MEIS2: variants seen among roughly 807,000 people sequenced by gnomAD.
MEIS2 encodes the protein Meis homeobox 2.
In MEIS2, 9 loss-of-function variants were observed where a neutral mutation model predicts 58.6. The observed-to-expected ratio is 0.15, with a 90% CI of 0.09 to 0.27. MEIS2 has a LOEUF of 0.27. Among genes scored for constraint, MEIS2 ranks in the 10% least tolerant of loss-of-function variants. The probability of loss-of-function intolerance (pLI) is 1.00; values close to 1 mark genes in which losing one functional copy is unlikely to be tolerated. For synonymous variants in MEIS2, 221 were observed against 228.4 expected (o/e 0.97, Z 0.29); for missense variants, 427 against 635.0 (o/e 0.67, Z 3.52).
intron 8 of MEIS2, among the ~76,000 whole-genome samples, chr15:36,970,179 GGATCATGAGGTCAGGA>G (rs2059490481): frequency 6.6e-6 from 1 of 152,128 alleles, no homozygotes; most frequent in Admixed American, 6.5e-5. Flanking sequence ...CAAGGCGGGA[GGATCATGAGGTCAGGA>G]GATCCGGACC....
intron 1 of MEIS2, 172 bp from the exon 2 acceptor site, chr15:37,098,371 GGA>G (rs1425172491): frequency 1.4e-6 from 1 of 719,002 alleles, no homozygotes; most frequent in African/African-American, 2.5e-5. Flanking sequence ...AGGAAAAGGA[GGA>G]GAGGGGGAGA....
At chr15:36,970,868 T>A (rs1367159177) in intron 8 of MEIS2, among the ~76,000 whole-genome samples, 1 of 152,222 alleles carries the variant, frequency 6.6e-6, no homozygotes, top group Non-Finnish European at 1.5e-5. Flanking sequence ...GGGAGGGCAC[T>A]GTGTCACGTT....
intron 7 of MEIS2, chr15:37,051,071 AAG>A (rs1466057112): frequency 6.6e-6 from 1 of 152,196 alleles, no homozygotes; most frequent in East Asian, 1.9e-4. Flanking sequence ...TCATGAGAGA[AAG>A]AGCTATTACT....
At chr15:37,048,427 CCTTA>C (rs1419836560) in intron 7 of MEIS2, among the ~76,000 whole-genome samples, 1 of 151,876 alleles carries the variant, frequency 6.6e-6, no homozygotes, top group Non-Finnish European at 1.5e-5. Context: ...TTTTAAGAGT[CCTTA>C]CTTCATTATC....
At position 37,007,362 on chromosome 15, in the gene MEIS2, C is replaced by CAATA. The variant is rs578016416; in HGVS notation, c.900+29448_900+29451dup. On this transcript the variant is annotated intron_variant, in intron 8 of 11. Coordinates refer to ENST00000561208, the MANE Select transcript of MEIS2 (RefSeq NM_170675.5). ...TGCGCAACATAGCAAGGTCCCATCT[C>CAATA]AATAAATAAATAAATAAATAAGAAA... 3.4e-4 allele frequency among the ~76,000 whole-genome samples: 52 copies of CAATA among 151,938 alleles called. 1 individual carries two copies. Among genetic ancestry groups the CAATA allele is most frequent in the East Asian group, 2.1e-3 (11 of 5,162 alleles).
chr15:36,920,143 T>TTTAC (rs2057442552), intron 9 of MEIS2, among the ~76,000 whole-genome samples: 1 of 151,684 alleles, frequency 6.6e-6, no homozygotes. Context: ...TATTTATTTA[T>TTTAC]TTATTTATTT....
chr15:37,071,324 G>A (rs1387002738), intron 7 of MEIS2, among the ~76,000 whole-genome samples: 7 of 152,090 alleles, frequency 4.6e-5, no homozygotes, highest in Non-Finnish European at 8.8e-5. Context: ...TCCGAAATGT[G>A]TAATCAGACT....
At chr15:37,048,177 TA>T (rs746928799) in intron 7 of MEIS2, among the ~76,000 whole-genome samples, 8 of 152,278 alleles carry the variant, frequency 5.3e-5, no homozygotes, top group Non-Finnish European at 8.8e-5. Flanking sequence ...CATTTTAAAC[TA>T]AAACTAGAAT....
At chr15:37,036,768 C>G in intron 8 of MEIS2, 46 bp downstream of exon 8, 1 of 1,588,980 alleles carries the variant, frequency 6.3e-7, no homozygotes, top group Non-Finnish European at 8.5e-7. Context: ...AACTTGCTAG[C>G]AAAACAACAA....
intron 8 of MEIS2, among the ~76,000 whole-genome samples, chr15:36,965,234 A>G (rs1462454723): frequency 6.6e-6 from 1 of 152,198 alleles, no homozygotes; most frequent in Non-Finnish European, 1.5e-5. Flanking sequence ...ATATGAAAAC[A>G]TTGGTGATGT....
Position 37,099,682 on chromosome 15 carries a change from T to C in MEIS2, c.-216A>G. 1 of 539,640 alleles carries C rather than the reference T, an allele frequency of 1.9e-6. No homozygotes were observed. 33.4% of individuals were successfully genotyped at this position (539,640 alleles called of 1,614,324 possible). On this transcript the variant is annotated 5_prime_UTR_variant, in exon 1 of 12. Transcript: ENST00000561208. The stretch of plus-strand genomic sequence containing the variant: ...TGATATTTCTTCTTTTTCTCTTTTT[T>C]CCTCTTCTTCCTCCTCCTCCTGATC...
intron 9 of MEIS2, among the ~76,000 whole-genome samples, chr15:36,918,619 G>A (rs185482106): frequency 6.0e-4 from 92 of 152,320 alleles, no homozygotes; most frequent in African/African-American, 1.9e-3. Flanking sequence ...AGATGAAAGA[G>A]TCTCAATGCC....
rs1387095569 is a variant in MEIS2 at position 36,923,068 on chromosome 15, C to T, written c.978-26382G>A. Reference sequence around the variant, plus strand: ...GACAATATTTATTCTTATGAGTTGTCAATCTCCTTAGCAATAATATGTCAC... The same window carrying T: ...GACAATATTTATTCTTATGAGTTGTTAATCTCCTTAGCAATAATATGTCAC... On this transcript the variant is annotated intron_variant, in intron 9 of 11. Coordinates refer to ENST00000561208, the MANE Select transcript of MEIS2 (RefSeq NM_170675.5). 2.0e-5 allele frequency among the ~76,000 whole-genome samples: 3 copies of T among 152,140 alleles called. No individual in the cohort carries two copies. The East Asian group carries it at 5.8e-4, about 29-fold the overall frequency.
chr15:37,065,340 AAGAAATTCTTT>A (rs1486335380), intron 7 of MEIS2, among the ~76,000 whole-genome samples: 1 of 152,212 alleles, frequency 6.6e-6, no homozygotes, highest in Non-Finnish European at 1.5e-5. Flanking sequence ...AGAGAGTGTC[AAGAAATTCTTT>A]AGAGGAAAAA....
chr15:37,059,250 T>G (rs1251958428), intron 7 of MEIS2, among the ~76,000 whole-genome samples: 1 of 152,210 alleles, frequency 6.6e-6, no homozygotes, highest in African/African-American at 2.4e-5. Flanking sequence ...TTGTCGTGGA[T>G]TGTTACTTAG....
At chr15:37,066,916 C>G (rs1174951930) in intron 7 of MEIS2, among the ~76,000 whole-genome samples, 3 of 151,538 alleles carry the variant, frequency 2.0e-5, no homozygotes, top group African/African-American at 7.3e-5. Flanking sequence ...AGAGCTGGGA[C>G]TATAGGTGCA....
At chr15:36,941,991 T>C (rs935999346) in intron 9 of MEIS2, among the ~76,000 whole-genome samples, 1 of 152,172 alleles carries the variant, frequency 6.6e-6, no homozygotes, top group South Asian at 2.1e-4. Flanking sequence ...TTAAACAGCC[T>C]GAAACCTCAG....
chr15:36,960,616 A>G (rs2059148333), intron 8 of MEIS2, among the ~76,000 whole-genome samples: 1 of 152,138 alleles, frequency 6.6e-6, no homozygotes. Flanking sequence ...GTTCAGAACT[A>G]CTTTCTTTTT....
intron 9 of MEIS2, among the ~76,000 whole-genome samples, chr15:36,940,749 G>A (rs937273280): frequency 3.9e-5 from 6 of 152,136 alleles, no homozygotes; most frequent in African/African-American, 1.2e-4. Context: ...CTTATTTAAT[G>A]TCAGAAGCCA....
Sources: allele counts gnomAD v4.1 joint callset (sites outside exome capture counted in the v4.1 genomes callset), GRCh38; gene constraint gnomAD v4.1.1; transcripts MANE v1.5; gene names NCBI Gene and HGNC (gene_info 2026-07-23, HGNC 2026-07-21).